The following GRAP2 variants were observed in gnomAD, a reference collection of about 807,000 sequenced individuals.
GRAP2 encodes GRB2 related adaptor protein 2.
A neutral mutation model predicts 43.5 loss-of-function variants in GRAP2; 31 were observed. That is an observed-to-expected ratio of 0.71 (90% CI 0.54 to 0.96). GRAP2 has a LOEUF of 0.96. Ranked by LOEUF, GRAP2 falls within the 40% of genes least tolerant of loss-of-function variation. The probability of loss-of-function intolerance (pLI) is 0.00; values close to 1 mark genes in which losing one functional copy is unlikely to be tolerated. For synonymous variants in GRAP2, 156 were observed against 164.8 expected (o/e 0.95, Z 0.41); for missense variants, 371 against 424.4 (o/e 0.87, Z 1.11).
chr22:39,934,683 G>A (rs1315661604), intron 1 of GRAP2, among the ~76,000 whole-genome samples: 1 of 152,120 alleles, frequency 6.6e-6, no homozygotes, highest in African/African-American at 2.4e-5. Context: ...GGAAGCACCC[G>A]GGCTTTTGTT....
chr22:39,967,954 G>A, intron 5 of GRAP2, 88 bp from the exon 6 acceptor site: 2 of 1,499,238 alleles, frequency 1.3e-6, no homozygotes, highest in Non-Finnish European at 1.8e-6. Flanking sequence ...CAGATGAGCA[G>A]GGTCTGGGAA....
At chr22:39,905,476 G>A (rs137960) in intron 1 of GRAP2, among the ~76,000 whole-genome samples, 100,761 of 152,026 alleles carry the variant, frequency 0.66, 35,270 homozygotes, top group African/African-American at 0.91. Flanking sequence ...GAACTGGGAC[G>A]AGTTATTCTT....
chr22:39,953,602 G>A (rs1466727768), intron 2 of GRAP2, among the ~76,000 whole-genome samples: 1 of 152,088 alleles, frequency 6.6e-6, no homozygotes, highest in African/African-American at 2.4e-5. Context: ...ACAGAGCTCT[G>A]TCGCTCTCTC....
intron 1 of GRAP2, among the ~76,000 whole-genome samples, chr22:39,940,635 A>G (rs532505081): frequency 7.9e-5 from 12 of 152,096 alleles, no homozygotes; most frequent in African/African-American, 2.2e-4. Flanking sequence ...AAAGAATAAC[A>G]CACAGTAGGG....
At chr22:39,953,767 C>T (rs190653928) in intron 2 of GRAP2, among the ~76,000 whole-genome samples, 27 of 152,272 alleles carry the variant, frequency 1.8e-4, no homozygotes, top group African/African-American at 4.8e-4. Context: ...GCTTCCACCA[C>T]GCCTTGCTAA....
intron 1 of GRAP2, among the ~76,000 whole-genome samples, chr22:39,902,382 A>T (rs532746378): frequency 4.6e-5 from 7 of 152,320 alleles, no homozygotes; most frequent in African/African-American, 1.7e-4. Flanking sequence ...TTTATGTAAA[A>T]CTTTATAGAA....
intron 1 of GRAP2, among the ~76,000 whole-genome samples, chr22:39,923,942 A>G (rs1156839165): frequency 3.3e-5 from 5 of 152,168 alleles, no homozygotes; most frequent in Admixed American, 6.5e-5. Context: ...TTATTGATTT[A>G]ATGCCAGTTC....
intron 1 of GRAP2, among the ~76,000 whole-genome samples, chr22:39,943,723 T>TC (rs1048090022): frequency 1.3e-5 from 2 of 149,450 alleles, no homozygotes; most frequent in African/African-American, 4.9e-5. Flanking sequence ...TTTCTTTCTT[T>TC]TTTTTTTTTT....
intron 1 of GRAP2, among the ~76,000 whole-genome samples, chr22:39,921,040 C>T (rs906280920): frequency 6.6e-6 from 1 of 151,360 alleles, no homozygotes; most frequent in Non-Finnish European, 1.5e-5. Flanking sequence ...AATGAAGAAT[C>T]GTTTGTATAT....
At chr22:39,937,533 G>A (rs2066818692) in intron 1 of GRAP2, among the ~76,000 whole-genome samples, 1 of 152,212 alleles carries the variant, frequency 6.6e-6, no homozygotes, top group South Asian at 2.1e-4. Context: ...TATACGCTTG[G>A]TGGCCTTACA....
intron 3 of GRAP2, among the ~76,000 whole-genome samples, chr22:39,957,630 C>T (rs9611233): frequency 0.41 from 62,251 of 151,928 alleles, 14,196 homozygotes; most frequent in Middle Eastern, 0.55. Flanking sequence ...CACAAACAAA[C>T]AAAACCAAAC....
intron 1 of GRAP2, among the ~76,000 whole-genome samples, chr22:39,911,203 G>A (rs1388086699): frequency 6.6e-6 from 1 of 152,140 alleles, no homozygotes; most frequent in Admixed American, 6.5e-5. Context: ...TGATCACTAC[G>A]TGTGAAAGTT....
chr22:39,947,144 G>A lies in GRAP2; in HGVS notation c.38G>A (p.Gly13Asp), dbSNP rs1253255216. 2 of 1,607,928 alleles carry A rather than the reference G, an allele frequency of 1.2e-6. No individual in the cohort carries two copies. The highest frequency in any genetic ancestry group is 1.7e-6 in the Non-Finnish European group (2 of 1,174,292). ...AVAKFDFTAS[G>D]EDELSFHTGD... is the part of the protein sequence containing the mutation. ...GCCAAGTTTGATTTCACTGCTTCAG[G>A]TGAGGATGAACTGAGCTTTCACACT... The change falls in exon 2 of 8, where the codon GGT (glycine) becomes GAT (aspartate). Residue 13 changes from glycine to aspartate, a missense_variant. Transcript: ENST00000344138.
chr22:39,919,737 A>G (rs1364049551), intron 1 of GRAP2, among the ~76,000 whole-genome samples: 1 of 152,266 alleles, frequency 6.6e-6, no homozygotes, highest in African/African-American at 2.4e-5. Flanking sequence ...TCAATATTTG[A>G]CAAATATTTA....
Position 39,971,629 on chromosome 22 carries a change from T to A in GRAP2, c.*545T>A, listed in dbSNP as rs2067245094. On this transcript the variant is annotated 3_prime_UTR_variant, in exon 8 of 8. Transcript: ENST00000344138. ...CCAGTGCTGCGGGCAGCCAAGCGAG[T>A]CTGAGCGGGGATGTGAAGGCAGGAC... The A allele has an allele frequency of 2.0e-5, 3 of 152,538 alleles. No homozygotes were observed. Among genetic ancestry groups the A allele is most frequent in the Admixed American group, 6.5e-5 (1 of 15,268 alleles). 9.4% of individuals were successfully genotyped at this position (152,538 alleles called of 1,614,324 possible). A position where few individuals can be genotyped will look rare whatever the true frequency, so the allele number is the denominator to read the frequency against.
chr22:39,956,019 T>C, intron 3 of GRAP2, 109 bp downstream of exon 3: 1 of 684,570 alleles, frequency 1.5e-6, no homozygotes, highest in Non-Finnish European at 2.7e-6. Context: ...CAAAAATGGC[T>C]GCCTCTGGAG....
intron 4 of GRAP2, among the ~76,000 whole-genome samples, chr22:39,965,172 C>T (rs2067159620): frequency 2.0e-5 from 3 of 152,180 alleles, no homozygotes; most frequent in South Asian, 4.1e-4. Flanking sequence ...GGTGGATCAC[C>T]GGAGGTCTGG....
upstream of GRAP2, among the ~76,000 whole-genome samples, chr22:39,898,545 G>A (rs150139020): frequency 1.4e-4 from 21 of 152,314 alleles, no homozygotes; most frequent in East Asian, 3.3e-3. Context: ...AGGCGCAGTG[G>A]CTCATGCCTG....
At chr22:39,916,288 A>T (rs1433061242) in intron 1 of GRAP2, among the ~76,000 whole-genome samples, 1 of 152,234 alleles carries the variant, frequency 6.6e-6, no homozygotes, top group African/African-American at 2.4e-5. Flanking sequence ...GGAACAGCTC[A>T]ATTAGGATGG....
Sources: gnomAD v4.1 joint callset for allele counts (sites outside exome capture counted in the v4.1 genomes callset) on GRCh38, gnomAD v4.1.1 for gene constraint, MANE v1.5 for transcripts, NCBI Gene and HGNC (gene_info 2026-07-23, HGNC 2026-07-21) for gene names.